The following AOAH variants were observed in gnomAD, a reference collection of about 807,000 sequenced individuals.
AOAH encodes acyloxyacyl hydrolase (neutrophil).
AOAH carries 64 observed loss-of-function variants against 92.2 expected under a neutral mutation model. The ratio of observed to expected loss-of-function variants is 0.69; its 90% CI spans 0.57 to 0.86. The LOEUF is 0.86. Ranked by LOEUF, AOAH falls within the 40% of genes least tolerant of loss-of-function variation. The pLI is 0.00. For missense variants in AOAH, 656 were observed against 694.6 expected (o/e 0.94, Z 0.62); for synonymous variants, 263 against 254.5 (o/e 1.03, Z -0.32).
intron 12 of AOAH, among the ~76,000 whole-genome samples, chr7:36,589,522 A>C (rs1395544553): frequency 6.6e-6 from 1 of 152,204 alleles, no homozygotes; most frequent in African/African-American, 2.4e-5. Context: ...TCTCTTGAAC[A>C]ATTTCCCTCA....
intron 5 of AOAH, among the ~76,000 whole-genome samples, chr7:36,636,295 A>G (rs534295098): frequency 2.0e-4 from 31 of 151,830 alleles, no homozygotes; most frequent in African/African-American, 7.5e-4. Flanking sequence ...TTTTTTTTTC[A>G]CTTCTCGCGA....
intron 4 of AOAH, among the ~76,000 whole-genome samples, chr7:36,655,572 A>C (rs1794830754): frequency 6.6e-6 from 1 of 152,202 alleles, no homozygotes; most frequent in Admixed American, 6.5e-5. Flanking sequence ...GAAGGTCCTG[A>C]AAAGCTAAGT....
At chr7:36,618,173 G>A in intron 10 of AOAH, 124 bp downstream of exon 10, 1 of 719,038 alleles carries the variant, frequency 1.4e-6, no homozygotes, top group Non-Finnish European at 2.4e-6. Flanking sequence ...ATGTAAGTTG[G>A]TCAGCATAGA....
At chr7:36,713,713 C>T (rs978402406) in intron 1 of AOAH, among the ~76,000 whole-genome samples, 7 of 152,178 alleles carry the variant, frequency 4.6e-5, no homozygotes, top group South Asian at 2.1e-4. Flanking sequence ...GAACAACCTG[C>T]TCCTGAATGA....
At chr7:36,668,842 A>T (rs571278020) in intron 3 of AOAH, among the ~76,000 whole-genome samples, 143 of 152,336 alleles carry the variant, frequency 9.4e-4, no homozygotes, top group African/African-American at 3.3e-3. Context: ...CAGTTTGTTC[A>T]GCTTTTTAAC....
Position 36,632,113 on chromosome 7 carries a change from A to C in AOAH, c.451-7T>G. ...AACCACTTCTAGAATATTTCTGGGG[A>C]GAAAAAAAAAAACAAAAAGAGAGTT... On this transcript the variant is annotated splice_region_variant and splice_polypyrimidine_tract_variant and intron_variant, in intron 5 of 20. Transcript: ENST00000617537. 6.3e-7 allele frequency: 1 copy of C among 1,598,560 alleles called. No homozygotes were observed. The highest frequency in any genetic ancestry group is 8.5e-7 in the Non-Finnish European group (1 of 1,172,880).
chr7:36,522,059 C>A lies in AOAH; in HGVS notation c.1579G>T (p.Asp527Tyr), dbSNP rs367550364. The change falls in exon 20 of 21, where the codon GAT becomes TAT. Residue 527 changes from aspartate to tyrosine, a missense_variant. By Grantham distance (160) the Asp-to-Tyr change is radical. Coordinates refer to ENST00000617537, the MANE Select transcript of AOAH (RefSeq NM_001637.4). ...CTTACCTCGTTGGGGTGGAATCCAT[C>A]CACGGGCTCGATGAGCTGCCAGGGC... ...GQPWQLIEPV[D>Y]GFHPNEVALL... 1.2e-6 allele frequency: 2 copies of A among 1,614,196 alleles called. No homozygotes were observed. Among genetic ancestry groups the A allele is most frequent in the Non-Finnish European group, 1.7e-6 (2 of 1,180,018 alleles).
chr7:36,662,429 T>A (rs17482009), intron 3 of AOAH, among the ~76,000 whole-genome samples: 28,146 of 152,230 alleles, frequency 0.18, 2,947 homozygotes, highest in Non-Finnish European at 0.24. Flanking sequence ...TTTTAAGCAG[T>A]GAAGCAGGCT....
chr7:36,533,593 AT>A (rs1047818261), intron 16 of AOAH, among the ~76,000 whole-genome samples: 8 of 151,762 alleles, frequency 5.3e-5, no homozygotes, highest in Non-Finnish European at 1.0e-4. Context: ...CCTTGCTTTT[AT>A]TTTATGGGTC....
chr7:36,704,505 T>C (rs1203245374), intron 1 of AOAH, among the ~76,000 whole-genome samples: 1 of 152,148 alleles, frequency 6.6e-6, no homozygotes, highest in Non-Finnish European at 1.5e-5. Context: ...ATTAATAGCC[T>C]AGCAACCCAA....
chr7:36,583,532 C>T (rs1351505464), intron 12 of AOAH, among the ~76,000 whole-genome samples: 1 of 152,130 alleles, frequency 6.6e-6, no homozygotes, highest in East Asian at 1.9e-4. Context: ...GATAAACATA[C>T]AGAATATGAC....
chr7:36,547,825 A>C (rs937619651), intron 15 of AOAH, among the ~76,000 whole-genome samples: 6 of 152,172 alleles, frequency 3.9e-5, no homozygotes, highest in Non-Finnish European at 7.3e-5. Context: ...GTTTAGCAAA[A>C]TCACCTTCTT....
At position 36,601,923 on chromosome 7, in the gene AOAH, T is replaced by C. The variant is rs545856081; in HGVS notation, c.847-7493A>G. Among the ~76,000 whole-genome samples, 7 of 152,332 alleles carry C rather than the reference T, an allele frequency of 4.6e-5. No homozygotes were observed. In the South Asian group the frequency reaches 1.4e-3, roughly 32 times the overall value. ...AAGGAGACCAACAAACACCAAGTAT[T>C]ACAGTTACACATTTTCATGTAACAG... On this transcript the variant is annotated intron_variant, in intron 11 of 20. Transcript: ENST00000617537.
At chr7:36,595,020 A>G (rs1238343158) in intron 11 of AOAH, among the ~76,000 whole-genome samples, 2 of 152,172 alleles carry the variant, frequency 1.3e-5, no homozygotes, top group Non-Finnish European at 2.9e-5. Flanking sequence ...CAATTTGTCA[A>G]GAACTCCTGA....
At chr7:36,663,708 T>C (rs1584062087) in intron 3 of AOAH, among the ~76,000 whole-genome samples, 1 of 152,218 alleles carries the variant, frequency 6.6e-6, no homozygotes, top group Non-Finnish European at 1.5e-5. Flanking sequence ...TTTGTTTATA[T>C]GATTGGACAT....
chr7:36,513,060 G>A lies in AOAH; in HGVS notation c.*192C>T. On this transcript the variant is annotated 3_prime_UTR_variant, in exon 21 of 21. Coordinates refer to ENST00000617537, the MANE Select transcript of AOAH (RefSeq NM_001637.4). Reference sequence around the variant, plus strand: ...TTTCAGGAACAGCGGAAGGGTTACTGATCCCGGGAGCACACAGCATTGCAC... The same window carrying A: ...TTTCAGGAACAGCGGAAGGGTTACTAATCCCGGGAGCACACAGCATTGCAC... 1 of 1,546,494 alleles carries A rather than the reference G, an allele frequency of 6.5e-7. No individual in the cohort carries two copies.
intron 1 of AOAH, among the ~76,000 whole-genome samples, chr7:36,722,796 T>C (rs1301736173): frequency 6.6e-6 from 1 of 151,490 alleles, no homozygotes; most frequent in African/African-American, 2.4e-5. Flanking sequence ...TAGCTGGGTG[T>C]GGTGGTGTGC....
intron 12 of AOAH, among the ~76,000 whole-genome samples, chr7:36,582,458 T>C (rs763235031): frequency 4.9e-4 from 74 of 152,266 alleles, no homozygotes; most frequent in East Asian, 1.2e-3. Context: ...ACACACTGAT[T>C]GGGTTTTGAT....
intron 1 of AOAH, among the ~76,000 whole-genome samples, chr7:36,707,405 C>A (rs1215858100): frequency 6.6e-6 from 1 of 152,012 alleles, no homozygotes; most frequent in Non-Finnish European, 1.5e-5. Context: ...CACAGAGCCA[C>A]ACTACAGATA....
Sources: gnomAD v4.1 joint callset for allele counts (sites outside exome capture counted in the v4.1 genomes callset) on GRCh38, gnomAD v4.1.1 for gene constraint, MANE v1.5 for transcripts, NCBI Gene and HGNC (gene_info 2026-07-23, HGNC 2026-07-21) for gene names.